The following ABCG2 variants were observed in gnomAD, a reference collection of about 807,000 sequenced individuals.
ABCG2 encodes the protein broad substrate specificity ATP-binding cassette transporter ABCG2.
Under a neutral mutation model 73.5 loss-of-function variants are expected in ABCG2, and 80 were observed. The ratio of observed to expected loss-of-function variants is 1.09; its 90% CI spans 0.91 to 1.31. ABCG2 has a LOEUF of 1.31. Ranked by LOEUF, ABCG2 falls within the 50% of genes most tolerant of loss-of-function variation. ABCG2 has a pLI of 0.00. For synonymous variants in ABCG2, 269 were observed against 282.4 expected (o/e 0.95, Z 0.48); for missense variants, 796 against 786.2 (o/e 1.01, Z -0.15).
intron 1 of ABCG2, among the ~76,000 whole-genome samples, chr4:88,185,155 G>A (rs1168833657): frequency 6.6e-6 from 1 of 152,182 alleles, no homozygotes; most frequent in Non-Finnish European, 1.5e-5. Context: ...CTGAGGTCGG[G>A]AATTTGATAC....
At chr4:88,222,923 C>T (rs1730066102) in intron 1 of ABCG2, among the ~76,000 whole-genome samples, 1 of 152,200 alleles carries the variant, frequency 6.6e-6, no homozygotes, top group South Asian at 2.1e-4. Context: ...GAACCTACCT[C>T]TTCCATCAGG....
At chr4:88,187,093 CAAAAAAAAAAAAAAAA>C (rs61116461) in intron 1 of ABCG2, among the ~76,000 whole-genome samples, 4 of 45,194 alleles carry the variant, frequency 8.9e-5, no homozygotes, top group Admixed American at 4.3e-4. Context: ...GATTCTGTCT[CAAAAAAAAAAAAAAAA>C]AAAAAAAAAA....
chr4:88,118,956 T>C (rs1412483100), intron 6 of ABCG2, among the ~76,000 whole-genome samples: 3 of 152,220 alleles, frequency 2.0e-5, no homozygotes, highest in Admixed American at 1.3e-4. Flanking sequence ...AAAATAGTGC[T>C]AAAGTACCTT....
intron 1 of ABCG2, among the ~76,000 whole-genome samples, chr4:88,176,007 T>C (rs1054343124): frequency 3.3e-5 from 5 of 152,244 alleles, no homozygotes; most frequent in Admixed American, 6.5e-5. Context: ...ATCCTCCATA[T>C]ATAACAACCC....
chr4:88,142,805 G>A (rs1015832644), intron 1 of ABCG2, among the ~76,000 whole-genome samples: 10 of 152,114 alleles, frequency 6.6e-5, no homozygotes, highest in South Asian at 2.1e-4. Flanking sequence ...AAAAGTAGCC[G>A]AGTATGCTGG....
At chr4:88,194,292 T>G (rs1728838621) in intron 1 of ABCG2, among the ~76,000 whole-genome samples, 1 of 151,866 alleles carries the variant, frequency 6.6e-6, no homozygotes, top group African/African-American at 2.4e-5. Flanking sequence ...GGCTCACGCC[T>G]GTAATCTCAG....
chr4:88,118,904 G>C (rs1202874050), intron 6 of ABCG2, among the ~76,000 whole-genome samples: 1 of 152,182 alleles, frequency 6.6e-6, no homozygotes, highest in Non-Finnish European at 1.5e-5. Flanking sequence ...CAGTTAGTAA[G>C]AGGCAAGGCT....
intron 15 of ABCG2, among the ~76,000 whole-genome samples, chr4:88,094,236 A>C (rs1332870196): frequency 2.0e-5 from 3 of 152,224 alleles, no homozygotes; most frequent in Non-Finnish European, 4.4e-5. Flanking sequence ...CCTTGATAAA[A>C]TATCAAAGCA....
rs1722250531 is a variant in ABCG2 at position 88,099,515 on chromosome 4, T to C, written c.1368-67A>G. On this transcript the variant is annotated intron_variant, in intron 11 of 15. Coordinates refer to ENST00000237612, the MANE Select transcript of ABCG2 (RefSeq NM_004827.3). ...AAGAAGCCACAGGGCAGGCTAGACT[T>C]GTCTGTTACAGACCTCTGCTGACAG... The C allele has an allele frequency of 2.1e-5, 31 of 1,488,362 alleles. No homozygotes were observed. The South Asian group carries it at 4.3e-4, about 21-fold the overall frequency. 92.2% of individuals were successfully genotyped at this position (1,488,362 alleles called of 1,614,324 possible).
chr4:88,131,286 C>T (rs1724857018), intron 4 of ABCG2, 73 bp from the exon 5 acceptor site: 1 of 1,449,532 alleles, frequency 6.9e-7, no homozygotes. Flanking sequence ...GTTTAGTATA[C>T]ATAACATAAT....
intron 1 of ABCG2, among the ~76,000 whole-genome samples, chr4:88,178,996 C>G (rs1728119424): frequency 6.6e-6 from 1 of 152,128 alleles, no homozygotes; most frequent in African/African-American, 2.4e-5. Context: ...AGGACACAAC[C>G]TGGCTGACTT....
chr4:88,186,255 A>T (rs1364078609), intron 1 of ABCG2, among the ~76,000 whole-genome samples: 1 of 152,264 alleles, frequency 6.6e-6, no homozygotes, highest in Non-Finnish European at 1.5e-5. Flanking sequence ...GAAATAAGCC[A>T]GGCACAGAAA....
chr4:88,095,325 G>A (rs1721910709), intron 14 of ABCG2, among the ~76,000 whole-genome samples, 195 bp downstream of exon 14: 1 of 152,156 alleles, frequency 6.6e-6, no homozygotes, highest in Non-Finnish European at 1.5e-5. Flanking sequence ...AAGGATGACT[G>A]AGGAAAATAG....
intron 1 of ABCG2, among the ~76,000 whole-genome samples, 180 bp from the exon 2 acceptor site, chr4:88,140,194 G>A (rs1044846935): frequency 2.0e-5 from 3 of 152,108 alleles, no homozygotes; most frequent in African/African-American, 7.2e-5. Flanking sequence ...GGGAAGACAG[G>A]CACAACTTGG....
rs761492726 is a variant in ABCG2, at chr4:88,131,908, A to G, written c.273T>C (p.Asp91=). Reference sequence around the variant, plus strand: ...TTGGATCTTTCCTTGCAGCTAAGACATCTAATAACCTATAAGAGGACATAT... The same window carrying G: ...TTGGATCTTTCCTTGCAGCTAAGACGTCTAATAACCTATAAGAGGACATAT... ...PTGGGKSSLL[D]VLAARKDPSG... The change falls in exon 4 of 16, where the codon GAT becomes GAC. Residue 91 remains aspartate, a synonymous_variant. Coordinates refer to ENST00000237612, the MANE Select transcript of ABCG2 (RefSeq NM_004827.3). 2 of 1,612,932 alleles carry G rather than the reference A, an allele frequency of 1.2e-6. No homozygotes were observed. Among genetic ancestry groups the G allele is most frequent in the African/African-American group, 1.3e-5 (1 of 74,916 alleles).
chr4:88,169,765 T>A (rs957777378), intron 1 of ABCG2, among the ~76,000 whole-genome samples: 3 of 152,154 alleles, frequency 2.0e-5, no homozygotes, highest in African/African-American at 2.4e-5. Flanking sequence ...TAAGCAATGT[T>A]TTTTTGAGGG....
chr4:88,109,561 G>C (rs530193599), intron 9 of ABCG2, among the ~76,000 whole-genome samples: 1 of 152,334 alleles, frequency 6.6e-6, no homozygotes, highest in Admixed American at 6.5e-5. Flanking sequence ...GCACAATGGA[G>C]TGCACAGACC....
chr4:88,137,744 G>A (rs748718032), intron 2 of ABCG2, among the ~76,000 whole-genome samples: 4 of 151,954 alleles, frequency 2.6e-5, no homozygotes, highest in Non-Finnish European at 4.4e-5. Context: ...GCACTCACAC[G>A]GTTCAGAAAA....
chr4:88,108,305 T>C (rs926662195), intron 9 of ABCG2, among the ~76,000 whole-genome samples: 5 of 152,060 alleles, frequency 3.3e-5, no homozygotes, highest in African/African-American at 1.2e-4. Context: ...GCAGATTGCC[T>C]GAACTCAGGA....
Sources: gnomAD v4.1 joint callset for allele counts (sites outside exome capture counted in the v4.1 genomes callset) on GRCh38, gnomAD v4.1.1 for gene constraint, MANE v1.5 for transcripts, NCBI Gene and HGNC (gene_info 2026-07-23, HGNC 2026-07-21) for gene names.